The following PTPN3 variants were observed in gnomAD, a reference collection of about 807,000 sequenced individuals.
PTPN3 encodes tyrosine-protein phosphatase non-receptor type 3.
Under a neutral mutation model 132.7 loss-of-function variants are expected in PTPN3, and 96 were observed. The ratio of observed to expected loss-of-function variants is 0.72; its 90% CI spans 0.61 to 0.86. The LOEUF (loss-of-function observed/expected upper bound fraction) is 0.86. Among genes scored for constraint, PTPN3 ranks in the 40% least tolerant of loss-of-function variants. PTPN3 has a pLI of 0.00. For synonymous variants in PTPN3, 398 were observed against 429.0 expected (o/e 0.93, Z 0.89); for missense variants, 1,125 against 1,159.6 (o/e 0.97, Z 0.43).
intron 14 of PTPN3, among the ~76,000 whole-genome samples, chr9:109,411,487 C>T (rs1842076023): frequency 1.3e-5 from 2 of 152,146 alleles, no homozygotes; most frequent in African/African-American, 4.8e-5. Flanking sequence ...ATCACCCACA[C>T]CAGCCCCTTC....
At position 109,378,992 on chromosome 9, in the gene PTPN3, G is replaced by A. The variant is rs912028096; in HGVS notation, c.*564C>T. The A allele has an allele frequency of 1.3e-5, 2 of 152,450 alleles. No homozygotes were observed. The allele number at this position is 152,450 out of a possible 1,614,324, so 9.4% of individuals were successfully genotyped here. On this transcript the variant is annotated 3_prime_UTR_variant, in exon 26 of 26. Coordinates refer to ENST00000374541, the MANE Select transcript of PTPN3 (RefSeq NM_002829.4). Reference sequence around the variant, plus strand: ...GGAAGTCGCTGGGAGATGGGACAAAGGGAGGGAGGGCAGAGAGGTGTTGCT... The same window carrying A: ...GGAAGTCGCTGGGAGATGGGACAAAAGGAGGGAGGGCAGAGAGGTGTTGCT...
intron 1 of PTPN3, among the ~76,000 whole-genome samples, chr9:109,493,703 A>G (rs540633242): frequency 2.0e-5 from 3 of 152,298 alleles, no homozygotes; most frequent in East Asian, 3.9e-4. Context: ...CGCAGTCAGC[A>G]CAGTCCTGCC....
At chr9:109,476,245 A>G (rs1846660105) in intron 1 of PTPN3, among the ~76,000 whole-genome samples, 1 of 152,178 alleles carries the variant, frequency 6.6e-6, no homozygotes, top group African/African-American at 2.4e-5. Flanking sequence ...AAATGGGGTC[A>G]GCAAATTAAT....
intron 14 of PTPN3, among the ~76,000 whole-genome samples, chr9:109,415,496 G>T (rs572133566): frequency 6.6e-6 from 1 of 152,286 alleles, no homozygotes; most frequent in East Asian, 1.9e-4. Context: ...GCAGAGAAAA[G>T]GTATTTAAGC....
At chr9:109,480,654 T>C (rs1190028792) in intron 1 of PTPN3, among the ~76,000 whole-genome samples, 2 of 152,154 alleles carry the variant, frequency 1.3e-5, no homozygotes, top group African/African-American at 4.8e-5. Flanking sequence ...AGGAGTTTTA[T>C]GGCTTTAGGG....
rs933210133 is a variant in PTPN3 at position 109,427,298 on chromosome 9, C to T, written c.829-176G>A. ...ATATTCAAGAGCACGATTTGTTAAC[C>T]GTCTTTATGAACATGGTAATAGAGA... is the stretch of plus-strand genomic sequence containing the variant. On this transcript the variant is annotated intron_variant, in intron 11 of 25. Coordinates refer to ENST00000374541, the MANE Select transcript of PTPN3 (RefSeq NM_002829.4). 5.3e-5 allele frequency among the ~76,000 whole-genome samples: 8 copies of T among 152,188 alleles called. No homozygotes were observed. The South Asian group carries it at 8.3e-4, about 16-fold the overall frequency.
In PTPN3 at chr9:109,457,172, C is replaced by T; in HGVS notation, c.289+1G>A. ...GACTGAAATGAAAAGATCACACCAA[C>T]CTTTTAACTGCTTCCTGATGGCTTT... On this transcript the variant is annotated splice_donor_variant, in intron 4 of 25. Transcript: ENST00000374541. LOFTEE classifies it high-confidence loss of function. 6.2e-7 allele frequency: 1 copy of T among 1,613,650 alleles called. No individual in the cohort carries two copies. The highest frequency in any genetic ancestry group is 8.5e-7 in the Non-Finnish European group (1 of 1,179,564).
Position 109,408,338 on chromosome 9 carries a change from T to C in PTPN3, c.1618A>G (p.Ile540Val). 6.3e-7 allele frequency: 1 copy of C among 1,584,430 alleles called. No individual in the cohort carries two copies. Among genetic ancestry groups the C allele is most frequent in the Non-Finnish European group, 8.6e-7 (1 of 1,161,298 alleles). ...DQKMPLVVSRINPESPADTCI... is the reference protein window; with the variant it reads ...DQKMPLVVSRVNPESPADTCI... ...TTACTTACAGGTGACTCTGGGTTTA[T>C]CCTTGATACCACAAGAGGCATCTTT... Residue 540 changes from isoleucine to valine, a missense_variant, in exon 17 of 26, where the codon ATA (isoleucine) becomes GTA (valine). Ile to Val is a conservative substitution (Grantham distance 29, BLOSUM62 3). Coordinates refer to ENST00000374541, the MANE Select transcript of PTPN3 (RefSeq NM_002829.4).
intron 1 of PTPN3, among the ~76,000 whole-genome samples, chr9:109,471,428 A>C (rs1204478182): frequency 6.6e-6 from 1 of 152,148 alleles, no homozygotes; most frequent in Admixed American, 6.5e-5. Context: ...TCTCTGAACC[A>C]CTTGCTGCAG....
chr9:109,531,546 C>T, the PTPN3 span, among the ~76,000 whole-genome samples: 1 of 152,176 alleles, frequency 6.6e-6, no homozygotes, highest in South Asian at 2.1e-4. Context: ...GTTCTGTAAC[C>T]TCTTTGGGCT....
At position 109,427,167 on chromosome 9, in the gene PTPN3, G is replaced by C. The variant is rs182480560; in HGVS notation, c.829-45C>G. 3.3e-5 allele frequency: 53 copies of C among 1,590,418 alleles called. No homozygotes were observed. In the Admixed American group the frequency reaches 5.9e-4, roughly 18 times the overall value. On this transcript the variant is annotated intron_variant, in intron 11 of 25. Transcript: ENST00000374541. Reference sequence around the variant, plus strand: ...AGATTTCACCCACACAGACATAGGAGCAGGGACTTGTAAGCATTTAACCCA... The same window carrying C: ...AGATTTCACCCACACAGACATAGGACCAGGGACTTGTAAGCATTTAACCCA...
At chr9:109,450,552 T>C (rs949841198) in intron 5 of PTPN3, 4 of 985,212 alleles carry the variant, frequency 4.1e-6, no homozygotes, top group Admixed American at 6.1e-5. Flanking sequence ...GTCAACCCCA[T>C]GGCATCATAC....
rs1273519774 is a variant in PTPN3 at position 109,420,519 on chromosome 9, G to A, written c.1218C>T (p.Ile406=). 3.1e-6 allele frequency: 5 copies of A among 1,613,512 alleles called. No individual in the cohort carries two copies. The highest frequency in any genetic ancestry group is 4.2e-6 in the Non-Finnish European group (5 of 1,179,898). Residue 406 remains isoleucine (I), a synonymous_variant, in exon 14 of 26, where the codon ATC becomes ATT. Coordinates refer to ENST00000374541, the MANE Select transcript of PTPN3 (RefSeq NM_002829.4). ...ADNLANEMTY[I]TETEDVFYTY... ...TGTAAAATACATCTTCCGTTTCCGT[G>A]ATGTAGGTCATTTCATTTGCAAGGT...
the PTPN3 span, among the ~76,000 whole-genome samples, chr9:109,514,499 A>G: frequency 6.6e-6 from 1 of 152,238 alleles, no homozygotes; most frequent in African/African-American, 2.4e-5. Context: ...ACTCTATGCC[A>G]TGTACTACTG....
chr9:109,456,630 C>A (rs531734041), intron 4 of PTPN3, among the ~76,000 whole-genome samples: 14 of 152,274 alleles, frequency 9.2e-5, no homozygotes, highest in Admixed American at 2.6e-4. Context: ...GAGAGCAGAT[C>A]AGGGCAGAGG....
chr9:109,381,546 T>G (rs1313508131), intron 25 of PTPN3, 106 bp downstream of exon 25: 1 of 1,469,032 alleles, frequency 6.8e-7, no homozygotes, highest in Non-Finnish European at 9.4e-7. Flanking sequence ...AGTGATTCAG[T>G]CCCCCTGAGC....
intron 9 of PTPN3, among the ~76,000 whole-genome samples, chr9:109,434,728 T>A (rs1297795948): frequency 1.3e-5 from 2 of 152,162 alleles, no homozygotes; most frequent in Non-Finnish European, 2.9e-5. Context: ...TTTTTCTTCT[T>A]GTACAATAAA....
intron 2 of PTPN3, among the ~76,000 whole-genome samples, chr9:109,459,198 C>T (rs1055152114): frequency 2.6e-5 from 4 of 152,258 alleles, no homozygotes; most frequent in Non-Finnish European, 5.9e-5. Context: ...GGCCTCCTGG[C>T]CTGGCCCCTG....
At chr9:109,478,139 A>G (rs1846778339) in intron 1 of PTPN3, among the ~76,000 whole-genome samples, 1 of 152,130 alleles carries the variant, frequency 6.6e-6, no homozygotes, top group Non-Finnish European at 1.5e-5. Flanking sequence ...AAAAAGGGGG[A>G]TCTGACCACA....
Sources: gnomAD v4.1 joint callset for allele counts (sites outside exome capture counted in the v4.1 genomes callset) on GRCh38, gnomAD v4.1.1 for gene constraint, MANE v1.5 for transcripts, NCBI Gene and HGNC (gene_info 2026-07-23, HGNC 2026-07-21) for gene names.